UNC5D: variants seen among roughly 807,000 people sequenced by gnomAD.
UNC5D encodes unc-5 netrin receptor D, also known as netrin receptor UNC5D.
Under a neutral mutation model 105.4 loss-of-function variants are expected in UNC5D, and 39 were observed. The ratio of observed to expected loss-of-function variants is 0.37; its 90% CI spans 0.29 to 0.48. The LOEUF (loss-of-function observed/expected upper bound fraction) is 0.48, where lower values mean the gene tolerates loss of function less well. Ranked by LOEUF, UNC5D falls within the 20% of genes least tolerant of loss-of-function variation. The pLI is 0.98. For missense variants in UNC5D, 991 were observed against 1,202.4 expected (o/e 0.82, Z 2.60); for synonymous variants, 452 against 450.4 (o/e 1.00, Z -0.04).
chr8:35,768,617 A>C (rs1330735326), intron 15 of UNC5D, among the ~76,000 whole-genome samples: 5 of 152,230 alleles, frequency 3.3e-5, no homozygotes. Context: ...TCCAGATATT[A>C]GTGATCAACT....
At chr8:35,639,800 A>C (rs1034860588) in intron 4 of UNC5D, among the ~76,000 whole-genome samples, 1 of 152,090 alleles carries the variant, frequency 6.6e-6, no homozygotes, top group Non-Finnish European at 1.5e-5. Flanking sequence ...GCTGAAGAGC[A>C]GTGGTGTGAT....
chr8:35,301,581 T>A (rs1032085293), intron 1 of UNC5D, among the ~76,000 whole-genome samples: 1 of 152,218 alleles, frequency 6.6e-6, no homozygotes, highest in Non-Finnish European at 1.5e-5. Flanking sequence ...GCTGAGGTAT[T>A]TCTGTTATTT....
intron 1 of UNC5D, among the ~76,000 whole-genome samples, chr8:35,268,209 A>C (rs1805023551): frequency 6.6e-6 from 1 of 152,172 alleles, no homozygotes. Context: ...TAAAAATATA[A>C]ATTTCAGTAT....
chr8:35,660,615 G>A (rs1167458462), intron 4 of UNC5D, among the ~76,000 whole-genome samples: 1 of 152,094 alleles, frequency 6.6e-6, no homozygotes, highest in African/African-American at 2.4e-5. Context: ...TGTAAAACAC[G>A]GGAAACGGGA....
chr8:35,481,419 A>G (rs1236509755), intron 1 of UNC5D, among the ~76,000 whole-genome samples: 1 of 152,212 alleles, frequency 6.6e-6, no homozygotes, highest in East Asian at 1.9e-4. Context: ...AAAAGAAAAC[A>G]GAAAATGACC....
At chr8:35,589,739 C>T (rs1043365927) in intron 3 of UNC5D, among the ~76,000 whole-genome samples, 10 of 152,230 alleles carry the variant, frequency 6.6e-5, no homozygotes, top group Non-Finnish European at 1.0e-4. Context: ...TTCATATAAA[C>T]GAATCATACA....
At chr8:35,568,021 GT>G in intron 2 of UNC5D, 76 bp from the exon 3 acceptor site, 2 of 1,555,938 alleles carry the variant, frequency 1.3e-6, no homozygotes, top group Non-Finnish European at 1.7e-6. Context: ...AAAAGAAAAG[GT>G]TTGGCTAACC....
intron 16 of UNC5D, among the ~76,000 whole-genome samples, chr8:35,785,843 A>G (rs1802718896): frequency 6.6e-6 from 1 of 152,154 alleles, no homozygotes. Context: ...ACAGCAGGTA[A>G]TTTATCTCCT....
At chr8:35,258,406 G>T (rs934941140) in intron 1 of UNC5D, among the ~76,000 whole-genome samples, 3 of 152,138 alleles carry the variant, frequency 2.0e-5, no homozygotes, top group Admixed American at 2.0e-4. Flanking sequence ...AGACAGTAGA[G>T]AATAGTGGCA....
At chr8:35,492,984 GA>G in intron 1 of UNC5D, among the ~76,000 whole-genome samples, 1 of 152,218 alleles carries the variant, frequency 6.6e-6, no homozygotes, top group South Asian at 2.1e-4. Flanking sequence ...GTTATCCCAT[GA>G]AATTCCTAGG....
At chr8:35,388,760 G>A (rs1242467982) in intron 1 of UNC5D, among the ~76,000 whole-genome samples, 1 of 152,134 alleles carries the variant, frequency 6.6e-6, no homozygotes, top group African/African-American at 2.4e-5. Context: ...ATTCTTACAT[G>A]TCATTTTCCT....
intron 4 of UNC5D, among the ~76,000 whole-genome samples, chr8:35,628,929 T>C (rs1821859636): frequency 6.6e-6 from 1 of 152,198 alleles, no homozygotes; most frequent in African/African-American, 2.4e-5. Flanking sequence ...ACCCCCTGAT[T>C]ATACAGATGA....
chr8:35,523,537 C>G (rs1298849490), intron 1 of UNC5D, among the ~76,000 whole-genome samples: 1 of 149,304 alleles, frequency 6.7e-6, no homozygotes, highest in Non-Finnish European at 1.5e-5. Context: ...TTCAGAGCAA[C>G]CTAAAATTCC....
intron 4 of UNC5D, among the ~76,000 whole-genome samples, chr8:35,676,154 C>G (rs187739306): frequency 6.6e-6 from 1 of 152,094 alleles, no homozygotes; most frequent in Non-Finnish European, 1.5e-5. Flanking sequence ...GATCAGGAAC[C>G]TGCTGTCTGG....
At chr8:35,682,617 C>T (rs943581688) in intron 4 of UNC5D, among the ~76,000 whole-genome samples, 2 of 152,132 alleles carry the variant, frequency 1.3e-5, no homozygotes. Flanking sequence ...AAGGAAATAA[C>T]ACAGATCAGA....
chr8:35,396,289 C>T (rs938158535), intron 1 of UNC5D, among the ~76,000 whole-genome samples: 14 of 152,078 alleles, frequency 9.2e-5, no homozygotes, highest in East Asian at 1.9e-4. Flanking sequence ...TGCATTACAA[C>T]GAAAGGTTAC....
chr8:35,433,803 T>G (rs969073186), intron 1 of UNC5D, among the ~76,000 whole-genome samples: 2 of 149,334 alleles, frequency 1.3e-5, no homozygotes, highest in Non-Finnish European at 3.0e-5. Flanking sequence ...GAGCCGAGAT[T>G]GCACCATTGC....
intron 1 of UNC5D, among the ~76,000 whole-genome samples, chr8:35,387,705 T>A (rs1192182523): frequency 6.6e-6 from 1 of 152,278 alleles, no homozygotes. Context: ...TAAGTTCATG[T>A]GTAGGATTAG....
chr8:35,664,831 A>ATTTAT (rs1234577386), intron 4 of UNC5D, among the ~76,000 whole-genome samples: 1 of 151,836 alleles, frequency 6.6e-6, no homozygotes, highest in Non-Finnish European at 1.5e-5. Flanking sequence ...TATTCTCTCA[A>ATTTAT]TTTATTTTAT....
Sources: allele counts gnomAD v4.1 joint callset (sites outside exome capture counted in the v4.1 genomes callset), GRCh38; gene constraint gnomAD v4.1.1; transcripts MANE v1.5; gene names NCBI Gene and HGNC (gene_info 2026-07-23, HGNC 2026-07-21).